HS3ST4: variants seen among roughly 807,000 people sequenced by gnomAD.
HS3ST4 encodes heparan sulfate glucosamine 3-O-sulfotransferase 4.
A neutral mutation model predicts 29.2 loss-of-function variants in HS3ST4; 17 were observed. The ratio of observed to expected loss-of-function variants is 0.58; its 90% CI spans 0.40 to 0.87. The LOEUF is 0.87. Among genes scored for constraint, HS3ST4 ranks in the 40% least tolerant of loss-of-function variants. The probability of loss-of-function intolerance (pLI) is 0.00; values close to 1 mark genes in which losing one functional copy is unlikely to be tolerated. For missense variants in HS3ST4, 627 were observed against 634.5 expected, an observed-to-expected ratio of 0.99 and a Z score of 0.13; for synonymous variants, 314 against 285.7, an observed-to-expected ratio of 1.10 and a Z score of -1.00.
At chr16:25,976,968 A>G (rs1420073295) in intron 1 of HS3ST4, among the ~76,000 whole-genome samples, 1 of 152,140 alleles carries the variant, frequency 6.6e-6, no homozygotes, top group Non-Finnish European at 1.5e-5. Flanking sequence ...TGTTTAAACT[A>G]TTTAATAATG....
intron 1 of HS3ST4, among the ~76,000 whole-genome samples, chr16:25,811,588 C>A (rs1350385484): frequency 6.6e-6 from 1 of 151,642 alleles, no homozygotes; most frequent in Non-Finnish European, 1.5e-5. Context: ...CATGTCCCAC[C>A]ACGCCTGGCT....
chr16:25,883,833 A>G (rs1967919019), intron 1 of HS3ST4, among the ~76,000 whole-genome samples: 1 of 152,180 alleles, frequency 6.6e-6, no homozygotes, highest in African/African-American at 2.4e-5. Flanking sequence ...AATCCAGCCC[A>G]GTTCTACAAG....
chr16:25,987,265 G>A (rs573433951), intron 1 of HS3ST4, among the ~76,000 whole-genome samples: 17 of 152,016 alleles, frequency 1.1e-4, no homozygotes, highest in African/African-American at 2.9e-4. Context: ...CAGGAGAATC[G>A]CTTGAACCGG....
At chr16:25,695,025 T>A (rs1449073889) in intron 1 of HS3ST4, among the ~76,000 whole-genome samples, 2 of 152,230 alleles carry the variant, frequency 1.3e-5, no homozygotes, top group Non-Finnish European at 2.9e-5. Context: ...CAGATTTTCC[T>A]AGATTCCTTT....
intron 1 of HS3ST4, among the ~76,000 whole-genome samples, chr16:25,928,232 G>A (rs187452376): frequency 6.6e-6 from 1 of 151,382 alleles, no homozygotes; most frequent in East Asian, 2.0e-4. Context: ...AGGCATTGTG[G>A]CCTGTGCCTG....
chr16:26,012,370 G>A (rs1485955407), intron 1 of HS3ST4, among the ~76,000 whole-genome samples: 2 of 152,194 alleles, frequency 1.3e-5, no homozygotes, highest in South Asian at 4.1e-4. Context: ...AAAGAGGAAA[G>A]GTCAAGAGAG....
At chr16:26,064,610 C>CTTT (rs869047078) in intron 1 of HS3ST4, among the ~76,000 whole-genome samples, 50 of 88,958 alleles carry the variant, frequency 5.6e-4, no homozygotes, top group East Asian at 1.1e-3. Flanking sequence ...GGATTGTAGT[C>CTTT]TTTTTTTTTT....
At chr16:25,718,053 G>C (rs62034430) in intron 1 of HS3ST4, among the ~76,000 whole-genome samples, 11,366 of 152,198 alleles carry the variant, frequency 0.075, 476 homozygotes, top group Non-Finnish European at 0.085. Flanking sequence ...TCCTAGGTTT[G>C]TGGCTGGCTT....
chr16:26,043,058 C>A (rs1969649390), intron 1 of HS3ST4, among the ~76,000 whole-genome samples: 2 of 152,146 alleles, frequency 1.3e-5, no homozygotes, highest in Non-Finnish European at 2.9e-5. Context: ...TCTTCTAAAG[C>A]ACAAGCACTT....
intron 1 of HS3ST4, among the ~76,000 whole-genome samples, chr16:25,924,048 T>A (rs189727710): frequency 5.3e-5 from 8 of 152,322 alleles, no homozygotes; most frequent in African/African-American, 1.2e-4. Flanking sequence ...ACTTGGCTAT[T>A]TTAAATTCAC....
intron 1 of HS3ST4, among the ~76,000 whole-genome samples, chr16:26,078,666 A>G (rs539830828): frequency 6.6e-6 from 1 of 152,360 alleles, no homozygotes; most frequent in South Asian, 2.1e-4. Flanking sequence ...AGTCTTGAAT[A>G]TAGATTCCCA....
chr16:26,051,192 A>C (rs1355992681), intron 1 of HS3ST4, among the ~76,000 whole-genome samples: 2 of 152,122 alleles, frequency 1.3e-5, no homozygotes, highest in East Asian at 1.9e-4. Flanking sequence ...ACCCATTTGC[A>C]ATCTCCCTTC....
chr16:25,788,938 T>C (rs1411205071), intron 1 of HS3ST4, among the ~76,000 whole-genome samples: 2 of 152,162 alleles, frequency 1.3e-5, no homozygotes, highest in Non-Finnish European at 2.9e-5. Flanking sequence ...TGGTGAACTT[T>C]CTTGTTCTTT....
At chr16:26,097,732 T>C (rs4496147) in intron 1 of HS3ST4, among the ~76,000 whole-genome samples, 2 of 151,902 alleles carry the variant, frequency 1.3e-5, no homozygotes, top group Non-Finnish European at 2.9e-5. Flanking sequence ...AATAGACAAA[T>C]GGGATCTAAT....
intron 1 of HS3ST4, among the ~76,000 whole-genome samples, chr16:26,049,053 T>C (rs534811265): frequency 4.6e-5 from 7 of 152,212 alleles, no homozygotes; most frequent in African/African-American, 1.7e-4. Flanking sequence ...TTTCACCTTA[T>C]TTAATTTTTA....
intron 1 of HS3ST4, among the ~76,000 whole-genome samples, chr16:26,125,279 G>T (rs567848290): frequency 9.2e-5 from 14 of 152,190 alleles, no homozygotes; most frequent in Non-Finnish European, 1.6e-4. Context: ...TTTTTCCACA[G>T]ATGGGGGTGG....
chr16:25,785,753 T>A (rs990632805), intron 1 of HS3ST4, among the ~76,000 whole-genome samples: 2 of 152,012 alleles, frequency 1.3e-5, no homozygotes, highest in African/African-American at 2.4e-5. Context: ...CCTTACAGCT[T>A]CCGGTAACCC....
At chr16:25,899,027 C>A (rs537734161) in intron 1 of HS3ST4, among the ~76,000 whole-genome samples, 1 of 152,190 alleles carries the variant, frequency 6.6e-6, no homozygotes, top group Non-Finnish European at 1.5e-5. Context: ...TCTTTCACAC[C>A]GTGGCACAGT....
chr16:26,052,441 G>A (rs1271527016), intron 1 of HS3ST4, among the ~76,000 whole-genome samples: 3 of 152,116 alleles, frequency 2.0e-5, no homozygotes, highest in Non-Finnish European at 4.4e-5. Context: ...CACAATTTCG[G>A]CTCAATGCAA....
Sources: gnomAD v4.1 joint callset for allele counts (sites outside exome capture counted in the v4.1 genomes callset) on GRCh38, gnomAD v4.1.1 for gene constraint, MANE v1.5 for transcripts, NCBI Gene and HGNC (gene_info 2026-07-23, HGNC 2026-07-21) for gene names.